LY86: variants seen among roughly 807,000 people sequenced by gnomAD.
The protein encoded by LY86 is MD-1, RP105-associated.
In LY86, 20 loss-of-function variants were observed where a neutral mutation model predicts 17.3. The observed-to-expected ratio is 1.15, with a 90% CI of 0.81 to 1.68. LY86 has a LOEUF of 1.68. Among genes scored for constraint, LY86 ranks in the 40% most tolerant of loss-of-function variants. The pLI is 0.00. For missense variants in LY86, 200 were observed against 191.9 expected (o/e 1.04, Z -0.25); for synonymous variants, 74 against 70.6 (o/e 1.05, Z -0.24).
At chr6:6,605,313 G>C (rs1311232524) in intron 1 of LY86, among the ~76,000 whole-genome samples, 1 of 152,164 alleles carries the variant, frequency 6.6e-6, no homozygotes, top group Non-Finnish European at 1.5e-5. Context: ...ATTTGGGTGT[G>C]GTTTAGTTGG....
At chr6:6,613,538 C>T (rs9504872) in intron 1 of LY86, among the ~76,000 whole-genome samples, 26,799 of 152,136 alleles carry the variant, frequency 0.18, 2,481 homozygotes, top group East Asian at 0.23. Context: ...CCGGCCGCTC[C>T]GAGTGCGGGG....
At chr6:6,614,875 A>G (rs1425530347) in intron 1 of LY86, among the ~76,000 whole-genome samples, 3 of 152,214 alleles carry the variant, frequency 2.0e-5, no homozygotes, top group Non-Finnish European at 4.4e-5. Context: ...AGGCAGGGGA[A>G]ACATGGTGTC....
rs568604178 is a variant in LY86 at position 6,638,016 on chromosome 6, A to T, written c.352+11595A>T. 4.6e-5 allele frequency among the ~76,000 whole-genome samples: 7 copies of T among 152,384 alleles called. No individual in the cohort carries two copies. The South Asian group carries it at 1.4e-3, about 32-fold the overall frequency. ...TATCTCTCAGAGGGGGAAGCTGGAC[A>T]GCAGACAAACAGGGCTTGCAGACAG... On this transcript the variant is annotated intron_variant, in intron 3 of 4. Coordinates refer to ENST00000230568, the MANE Select transcript of LY86 (RefSeq NM_004271.4).
At chr6:6,615,017 T>C (rs1175194092) in intron 1 of LY86, among the ~76,000 whole-genome samples, 1 of 152,170 alleles carries the variant, frequency 6.6e-6, no homozygotes, top group South Asian at 2.1e-4. Context: ...TGAAATGGTT[T>C]GTAAGGAGAT....
chr6:6,636,528 T>C (rs903447758), intron 3 of LY86, among the ~76,000 whole-genome samples: 3 of 152,178 alleles, frequency 2.0e-5, no homozygotes, highest in Non-Finnish European at 2.9e-5. Flanking sequence ...ACAAGGCCCA[T>C]GAAGAGGCAG....
At chr6:6,653,511 C>A (rs1236653099) in intron 4 of LY86, among the ~76,000 whole-genome samples, 1 of 152,178 alleles carries the variant, frequency 6.6e-6, no homozygotes. Context: ...GTGCTGGCAG[C>A]AAACAAAACC....
At chr6:6,608,735 A>C (rs1211667646) in intron 1 of LY86, among the ~76,000 whole-genome samples, 1 of 152,260 alleles carries the variant, frequency 6.6e-6, no homozygotes, top group Non-Finnish European at 1.5e-5. Context: ...TGTTACAGAG[A>C]AGGGCATAGC....
chr6:6,603,659 T>C (rs1312242412), intron 1 of LY86, among the ~76,000 whole-genome samples: 1 of 125,214 alleles, frequency 8.0e-6, no homozygotes, highest in Admixed American at 8.0e-5. Context: ...ACACACAGAG[T>C]GGAAAACCAA....
At chr6:6,631,241 G>A (rs1392330215) in intron 3 of LY86, among the ~76,000 whole-genome samples, 1 of 152,000 alleles carries the variant, frequency 6.6e-6, no homozygotes, top group African/African-American at 2.4e-5. Flanking sequence ...AATATGGGAG[G>A]AAAAAACTGT....
intron 1 of LY86, among the ~76,000 whole-genome samples, chr6:6,623,674 G>A (rs1761727386): frequency 6.6e-6 from 1 of 152,218 alleles, no homozygotes; most frequent in African/African-American, 2.4e-5. Context: ...CTGTGAGGCT[G>A]TGAGGCTCTC....
At chr6:6,591,541 A>G (rs1439698881) in intron 1 of LY86, 2 of 153,760 alleles carry the variant, frequency 1.3e-5, no homozygotes, top group Non-Finnish European at 1.5e-5. Context: ...AATACTAATG[A>G]TAACACCTCA....
chr6:6,606,611 T>G (rs112409711), intron 1 of LY86, among the ~76,000 whole-genome samples: 187 of 152,306 alleles, frequency 1.2e-3, no homozygotes, highest in African/African-American at 4.3e-3. Flanking sequence ...TCCCTAGCCC[T>G]GCCACGCGGG....
chr6:6,648,394 T>C (rs1450389776), intron 3 of LY86, among the ~76,000 whole-genome samples: 4 of 152,222 alleles, frequency 2.6e-5, no homozygotes, highest in Non-Finnish European at 4.4e-5. Context: ...TTCCAAGCTC[T>C]TCTCAACACA....
At chr6:6,605,069 A>C (rs1477536472) in intron 1 of LY86, among the ~76,000 whole-genome samples, 2 of 150,950 alleles carry the variant, frequency 1.3e-5, no homozygotes, top group African/African-American at 4.9e-5. Context: ...CGAGACTCTC[A>C]CTAAAAGAAC....
intron 1 of LY86, chr6:6,591,284 C>T (rs1165803393): frequency 6.5e-6 from 1 of 153,766 alleles, no homozygotes; most frequent in Non-Finnish European, 1.5e-5. Context: ...GGTGAAGTTT[C>T]CCCATGGAGT....
chr6:6,600,587 C>CAAAAAAAAAAAAAAAAAAAA (rs59560744), intron 1 of LY86, among the ~76,000 whole-genome samples: 1 of 82,450 alleles, frequency 1.2e-5, no homozygotes, highest in Non-Finnish European at 2.3e-5. Context: ...GAGACTCCAT[C>CAAAAAAAAAAAAAAAAAAAA]AAAAAAAAAA....
chr6:6,606,451 C>T (rs563308960), intron 1 of LY86, among the ~76,000 whole-genome samples: 8 of 152,332 alleles, frequency 5.3e-5, no homozygotes, highest in South Asian at 2.1e-4. Context: ...AGCTGCCTGC[C>T]AGTCCCACAC....
chr6:6,598,193 T>C (rs894283787), intron 1 of LY86, among the ~76,000 whole-genome samples: 1 of 152,248 alleles, frequency 6.6e-6, no homozygotes, highest in East Asian at 1.9e-4. Flanking sequence ...TGGCCACAAA[T>C]TTGTCTTAAA....
intron 3 of LY86, 142 bp from the exon 4 acceptor site, chr6:6,649,483 G>GGTCGCC: frequency 2.2e-6 from 1 of 455,388 alleles, no homozygotes; most frequent in South Asian, 4.3e-5. Context: ...GTGTAGATCA[G>GGTCGCC]GAAATGAAAA....
Sources: allele counts gnomAD v4.1 joint callset (sites outside exome capture counted in the v4.1 genomes callset), GRCh38; gene constraint gnomAD v4.1.1; transcripts MANE v1.5; gene names NCBI Gene and HGNC (gene_info 2026-07-23, HGNC 2026-07-21).